The following FRMD4B variants were observed in gnomAD, a reference collection of about 807,000 sequenced individuals.
FRMD4B encodes FERM domain containing 4B.
Under a neutral mutation model 141.5 loss-of-function variants are expected in FRMD4B, and 74 were observed. That is an observed-to-expected ratio of 0.52 (90% CI 0.43 to 0.63). The LOEUF is 0.63. Ranked by LOEUF, FRMD4B falls within the 30% of genes least tolerant of loss-of-function variation. The pLI is 0.00. For synonymous variants in FRMD4B, 506 were observed against 467.9 expected (o/e 1.08, Z -1.05); for missense variants, 1,366 against 1,253.4 (o/e 1.09, Z -1.36).
At chr3:69,337,350 A>G (rs1702589615) in intron 1 of FRMD4B, among the ~76,000 whole-genome samples, 1 of 152,172 alleles carries the variant, frequency 6.6e-6, no homozygotes, top group Non-Finnish European at 1.5e-5. Context: ...AACCATAAAA[A>G]CTCTAGAAGA....
At chr3:69,501,368 C>T (rs74447668) in intron 1 of FRMD4B, among the ~76,000 whole-genome samples, 3,111 of 151,722 alleles carry the variant, frequency 0.021, 95 homozygotes, top group East Asian at 0.12. Context: ...TATGTATTAC[C>T]ATATTAATAT....
At chr3:69,312,410 C>T (rs569042029) in intron 2 of FRMD4B, among the ~76,000 whole-genome samples, 20 of 152,308 alleles carry the variant, frequency 1.3e-4, no homozygotes, top group South Asian at 4.1e-4. Context: ...GTTGACTGTA[C>T]TATTTCACTC....
chr3:69,495,857 G>A (rs1048343015), intron 1 of FRMD4B, among the ~76,000 whole-genome samples: 2 of 151,896 alleles, frequency 1.3e-5, no homozygotes, highest in Non-Finnish European at 2.9e-5. Flanking sequence ...TAAATTGAGG[G>A]CCATCATTTT....
chr3:69,279,563 G>C (rs1197109449), intron 5 of FRMD4B, among the ~76,000 whole-genome samples: 2 of 152,126 alleles, frequency 1.3e-5, no homozygotes, highest in Non-Finnish European at 2.9e-5. Context: ...GTGCTCAAGT[G>C]ATCTTCTTGC....
intron 3 of FRMD4B, among the ~76,000 whole-genome samples, chr3:69,308,969 A>C (rs1701482901): frequency 6.6e-6 from 1 of 151,952 alleles, no homozygotes; most frequent in Admixed American, 6.6e-5. Flanking sequence ...ATAATTGCTG[A>C]TATTCCTTTG....
rs1009802117 is a variant in FRMD4B at position 69,174,118 on chromosome 3, C to A, written c.2985-2137G>T. Among the ~76,000 whole-genome samples the A allele has an allele frequency of 2.8e-5, 4 of 141,136 alleles. No individual in the cohort carries two copies. The East Asian group carries it at 6.2e-4, about 22-fold the overall frequency. 92.6% of individuals were successfully genotyped at this position (141,136 alleles called of 152,430 possible). A position where few individuals can be genotyped will look rare whatever the true frequency, so the allele number is the denominator to read the frequency against. ...TGTCACTGCACTCCAACTTGGGCAA[C>A]AGAACAAGGCTCCGTCTTGGGAAGA... On this transcript the variant is annotated intron_variant, in intron 22 of 22. Coordinates refer to ENST00000398540, the MANE Select transcript of FRMD4B (RefSeq NM_015123.3).
chr3:69,293,750 A>T (rs1700950211), intron 4 of FRMD4B, among the ~76,000 whole-genome samples: 1 of 151,936 alleles, frequency 6.6e-6, no homozygotes, highest in Non-Finnish European at 1.5e-5. Context: ...GTTTGGTGGC[A>T]CATGCCTTTA....
chr3:69,273,711 T>C (rs766391848), intron 5 of FRMD4B, among the ~76,000 whole-genome samples: 1 of 152,174 alleles, frequency 6.6e-6, no homozygotes, highest in Non-Finnish European at 1.5e-5. Flanking sequence ...AAGTATTTAC[T>C]AAGGGCCTAT....
intron 1 of FRMD4B, among the ~76,000 whole-genome samples, chr3:69,487,785 A>G (rs1706241249): frequency 6.6e-6 from 1 of 152,218 alleles, no homozygotes; most frequent in Non-Finnish European, 1.5e-5. Context: ...ATAAAGCTCA[A>G]GGGAGAGGAT....
intron 7 of FRMD4B, among the ~76,000 whole-genome samples, chr3:69,240,812 G>A (rs918025715): frequency 6.6e-6 from 1 of 152,224 alleles, no homozygotes; most frequent in Non-Finnish European, 1.5e-5. Context: ...GCCTGGAAAT[G>A]CTTATCAGCG....
intron 1 of FRMD4B, among the ~76,000 whole-genome samples, chr3:69,540,636 A>AAAAAT (rs1553652109): frequency 5.3e-4 from 37 of 69,512 alleles, no homozygotes; most frequent in African/African-American, 2.8e-3. Flanking sequence ...AAAAAAAAAA[A>AAAAAT]ATATATATAT....
At chr3:69,368,155 C>T (rs1703720990) in intron 1 of FRMD4B, among the ~76,000 whole-genome samples, 1 of 152,134 alleles carries the variant, frequency 6.6e-6, no homozygotes, top group African/African-American at 2.4e-5. Flanking sequence ...ATGGCACTCT[C>T]CCATTTAAAC....
intron 7 of FRMD4B, among the ~76,000 whole-genome samples, chr3:69,248,893 A>T (rs2093443219): frequency 6.6e-6 from 1 of 152,064 alleles, no homozygotes; most frequent in South Asian, 2.1e-4. Context: ...TTCGAACACA[A>T]GATTATTGTA....
rs371541045 is a variant in FRMD4B at position 69,469,609 on chromosome 3, A to G, written c.-128-36848T>C. 2.6e-4 allele frequency among the ~76,000 whole-genome samples: 40 copies of G among 152,280 alleles called. 1 individual carries two copies. The highest frequency in any genetic ancestry group is 8.7e-4 in the African/African-American group (36 of 41,560). ...AGTTAAACTGCATGAGAGTGGTTCA[A>G]TTATATTTTGCTCACTGGTCACCAG... On this transcript the variant is annotated intron_variant, in intron 1 of 5. Coordinates refer to the FRMD4B transcript ENST00000459638.
chr3:69,213,444 T>A (rs1190996056), intron 11 of FRMD4B, among the ~76,000 whole-genome samples: 1 of 152,094 alleles, frequency 6.6e-6, no homozygotes, highest in East Asian at 1.9e-4. Flanking sequence ...TATCCTTCAT[T>A]TCTAATATTA....
At chr3:69,508,381 G>A (rs541592275) in intron 1 of FRMD4B, among the ~76,000 whole-genome samples, 6 of 152,218 alleles carry the variant, frequency 3.9e-5, no homozygotes, top group South Asian at 4.2e-4. Context: ...TTATCAACAG[G>A]TTTCAATCGC....
chr3:69,209,340 T>C (rs1413978285), intron 11 of FRMD4B, among the ~76,000 whole-genome samples: 1 of 152,172 alleles, frequency 6.6e-6, no homozygotes, highest in Non-Finnish European at 1.5e-5. Context: ...TTACGAGAAC[T>C]GCTTAAAATT....
intron 1 of FRMD4B, among the ~76,000 whole-genome samples, chr3:69,532,257 A>C (rs1344238413): frequency 1.3e-5 from 2 of 152,248 alleles, no homozygotes; most frequent in Non-Finnish European, 2.9e-5. Context: ...AAATACTAAA[A>C]GGTTATTTGA....
chr3:69,201,035 A>C (rs1344055268), intron 11 of FRMD4B: 2 of 270,556 alleles, frequency 7.4e-6, no homozygotes, highest in Non-Finnish European at 7.6e-6. Flanking sequence ...GCAAGCAAAA[A>C]CTCTACTTAA....
Sources: gnomAD v4.1 joint callset for allele counts (sites outside exome capture counted in the v4.1 genomes callset) on GRCh38, gnomAD v4.1.1 for gene constraint, MANE v1.5 for transcripts, NCBI Gene and HGNC (gene_info 2026-07-23, HGNC 2026-07-21) for gene names.